Variants in DPYD observed in about 807,000 individuals in gnomAD.
DPYD encodes the protein dihydropyrimidine dehydrogenase [NADP(+)].
In DPYD, 109 loss-of-function variants were observed where a neutral mutation model predicts 116.2. The ratio of observed to expected loss-of-function variants is 0.94; its 90% CI spans 0.80 to 1.10. DPYD has a LOEUF of 1.10. Among genes scored for constraint, DPYD ranks in the 50% least tolerant of loss-of-function variants. DPYD has a pLI of 0.00. For synonymous variants in DPYD, 440 were observed against 432.0 expected (o/e 1.02, Z -0.23); for missense variants, 1,302 against 1,254.5 (o/e 1.04, Z -0.57).
At chr1:97,115,368 T>C (rs1210694567) in intron 20 of DPYD, among the ~76,000 whole-genome samples, 2 of 152,204 alleles carry the variant, frequency 1.3e-5, no homozygotes, top group Non-Finnish European at 2.9e-5. Context: ...CTGATTTTAT[T>C]GTTTGAAAGT....
At chr1:97,364,131 A>G (rs1670903646) in intron 16 of DPYD, among the ~76,000 whole-genome samples, 1 of 152,160 alleles carries the variant, frequency 6.6e-6, no homozygotes, top group Non-Finnish European at 1.5e-5. Flanking sequence ...GTTACCCAAA[A>G]CACAATTACA....
chr1:97,524,009 T>C (rs1247881497), intron 12 of DPYD, among the ~76,000 whole-genome samples: 2 of 151,986 alleles, frequency 1.3e-5, no homozygotes, highest in Middle Eastern at 3.4e-3. Flanking sequence ...CCATGAATAA[T>C]TATTTTAAAC....
At chr1:97,621,509 A>G (rs1656631801) in intron 8 of DPYD, among the ~76,000 whole-genome samples, 1 of 151,974 alleles carries the variant, frequency 6.6e-6, no homozygotes, top group Non-Finnish European at 1.5e-5. Context: ...GCTATCTAAT[A>G]ATTAACATAT....
At chr1:97,615,732 C>T (rs980172110) in intron 8 of DPYD, among the ~76,000 whole-genome samples, 5 of 152,162 alleles carry the variant, frequency 3.3e-5, no homozygotes, top group African/African-American at 9.6e-5. Flanking sequence ...ATGAAAAATT[C>T]GAGGGACTCC....
chr1:97,530,459 C>T (rs903433041), intron 12 of DPYD, among the ~76,000 whole-genome samples: 3 of 151,954 alleles, frequency 2.0e-5, no homozygotes, highest in Admixed American at 2.0e-4. Context: ...CCTCGTGATC[C>T]GCCCGCCTCG....
At chr1:97,862,960 C>G (rs1012635562) in intron 2 of DPYD, among the ~76,000 whole-genome samples, 4 of 151,554 alleles carry the variant, frequency 2.6e-5, no homozygotes, top group African/African-American at 9.7e-5. Flanking sequence ...AACTGTAATA[C>G]GAAAAATACT....
intron 16 of DPYD, among the ~76,000 whole-genome samples, chr1:97,345,371 A>G (rs1028229691): frequency 6.6e-6 from 1 of 151,724 alleles, no homozygotes; most frequent in Non-Finnish European, 1.5e-5. Flanking sequence ...TCTTCACTCA[A>G]CAAAATGGGC....
intron 6 of DPYD, among the ~76,000 whole-genome samples, chr1:97,694,337 G>A (rs1260757091): frequency 6.6e-6 from 1 of 152,140 alleles, no homozygotes; most frequent in Non-Finnish European, 1.5e-5. Context: ...TCAGCAAATA[G>A]ACGAAACACA....
chr1:97,440,640 T>C (rs2101759177), intron 14 of DPYD, among the ~76,000 whole-genome samples: 1 of 152,334 alleles, frequency 6.6e-6, no homozygotes, highest in African/African-American at 2.4e-5. Context: ...CTTCCATCTC[T>C]TTCCTCCCAA....
At chr1:97,306,971 C>G (rs1218205782) in intron 16 of DPYD, among the ~76,000 whole-genome samples, 1 of 151,844 alleles carries the variant, frequency 6.6e-6, no homozygotes, top group Non-Finnish European at 1.5e-5. Flanking sequence ...AATAAAATAT[C>G]AAATGCTCAT....
At chr1:97,594,049 G>C (rs1654711127) in intron 9 of DPYD, among the ~76,000 whole-genome samples, 1 of 152,068 alleles carries the variant, frequency 6.6e-6, no homozygotes, top group Non-Finnish European at 1.5e-5. Flanking sequence ...ATTAAGATTT[G>C]CTGTCCATAT....
intron 13 of DPYD, among the ~76,000 whole-genome samples, chr1:97,453,986 C>T (rs1409251117): frequency 6.6e-6 from 1 of 151,950 alleles, no homozygotes; most frequent in Non-Finnish European, 1.5e-5. Flanking sequence ...ATAAAAGGTC[C>T]TTTATAACTT....
At chr1:97,825,610 A>G (rs1274770404) in intron 3 of DPYD, among the ~76,000 whole-genome samples, 6 of 73,954 alleles carry the variant, frequency 8.1e-5, no homozygotes, top group Non-Finnish European at 1.2e-4. Context: ...ATCACACACC[A>G]GGGCCTGTCA....
intron 8 of DPYD, among the ~76,000 whole-genome samples, chr1:97,604,226 T>C (rs899746566): frequency 1.3e-5 from 2 of 152,170 alleles, no homozygotes; most frequent in East Asian, 1.9e-4. Flanking sequence ...CTGTTACTTA[T>C]ATAGCTATAA....
At chr1:97,229,221 A>G (rs1402478925) in intron 19 of DPYD, among the ~76,000 whole-genome samples, 7 of 81,212 alleles carry the variant, frequency 8.6e-5, no homozygotes, top group Non-Finnish European at 8.4e-5. Context: ...AAAAAAAAAG[A>G]AAAAAAAAAA....
chr1:97,818,173 T>C (rs193296425), intron 3 of DPYD, among the ~76,000 whole-genome samples: 72 of 152,142 alleles, frequency 4.7e-4, no homozygotes, highest in Admixed American at 1.1e-3. Flanking sequence ...CATATTTCTT[T>C]TCTGGTTTTA....
intron 19 of DPYD, among the ~76,000 whole-genome samples, chr1:97,225,925 A>G (rs907395827): frequency 6.6e-6 from 1 of 152,088 alleles, no homozygotes; most frequent in African/African-American, 2.4e-5. Flanking sequence ...CCAAACCCAG[A>G]AAAGGGTACT....
chr1:97,834,270 G>T (rs920901912), intron 2 of DPYD, among the ~76,000 whole-genome samples: 4 of 151,830 alleles, frequency 2.6e-5, no homozygotes, highest in Non-Finnish European at 5.9e-5. Flanking sequence ...ATGAAAACCA[G>T]TCATTCATTC....
intron 19 of DPYD, among the ~76,000 whole-genome samples, chr1:97,231,779 T>C (rs1428727290): frequency 6.6e-6 from 1 of 152,178 alleles, no homozygotes; most frequent in Non-Finnish European, 1.5e-5. Context: ...ATACTATATG[T>C]AGCAGCAATT....
Sources: allele counts gnomAD v4.1 joint callset (sites outside exome capture counted in the v4.1 genomes callset), GRCh38; gene constraint gnomAD v4.1.1; transcripts MANE v1.5; gene names NCBI Gene and HGNC (gene_info 2026-07-23, HGNC 2026-07-21).